Variants in ATP2B2 observed in about 807,000 individuals in gnomAD.
The protein encoded by ATP2B2 is plasma membrane calcium-transporting ATPase 2.
ATP2B2 carries 15 observed loss-of-function variants against 120.0 expected under a neutral mutation model. The ratio of observed to expected loss-of-function variants is 0.12; its 90% CI spans 0.08 to 0.19. The LOEUF (loss-of-function observed/expected upper bound fraction) is 0.19. Among genes scored for constraint, ATP2B2 ranks in the 10% least tolerant of loss-of-function variants. ATP2B2 has a pLI of 1.00. For synonymous variants in ATP2B2, 694 were observed against 700.3 expected (o/e 0.99, Z 0.14); for missense variants, 1,045 against 1,719.8 (o/e 0.61, Z 6.94).
chr3:10,473,719 G>T (rs1002330888), intron 1 of ATP2B2, among the ~76,000 whole-genome samples: 2 of 152,244 alleles, frequency 1.3e-5, no homozygotes, highest in Non-Finnish European at 2.9e-5. Flanking sequence ...AAGAGCTGGG[G>T]CAGTATGTTC....
intron 5 of ATP2B2, among the ~76,000 whole-genome samples, chr3:10,391,298 T>C (rs1467198398): frequency 1.3e-5 from 2 of 152,184 alleles, no homozygotes; most frequent in Non-Finnish European, 2.9e-5. Flanking sequence ...CTGTTGTCTT[T>C]GTTACCTTCC....
At position 10,370,753 on chromosome 3, in the gene ATP2B2, G is replaced by A. The variant is rs538169574; in HGVS notation, c.1659+1056C>T. On this transcript the variant is annotated intron_variant, in intron 12 of 22. Transcript: ENST00000360273. ...TGGCTCAGGGGCAGAAGGAGGAGGA[G>A]GTCAGGGCTCAGCACATTGGGAGGG... Among the ~76,000 whole-genome samples, 4 of 152,320 alleles carry A rather than the reference G, an allele frequency of 2.6e-5. No homozygotes were observed. In the East Asian group the frequency reaches 7.7e-4, roughly 29 times the overall value.
At chr3:10,681,404 C>T (rs2071380040) in intron 1 of ATP2B2, among the ~76,000 whole-genome samples, 1 of 152,148 alleles carries the variant, frequency 6.6e-6, no homozygotes, top group Non-Finnish European at 1.5e-5. Context: ...TGTCATGTCC[C>T]GTGCACCCCC....
intron 2 of ATP2B2, among the ~76,000 whole-genome samples, chr3:10,540,856 C>G (rs1204142218): frequency 6.7e-6 from 1 of 149,126 alleles, no homozygotes; most frequent in Non-Finnish European, 1.5e-5. Flanking sequence ...TACCCTAGAA[C>G]TTAAAATATA....
chr3:10,397,131 C>T (rs757449589), intron 5 of ATP2B2, among the ~76,000 whole-genome samples: 4 of 152,244 alleles, frequency 2.6e-5, no homozygotes, highest in Non-Finnish European at 5.9e-5. Context: ...TCAGCTCAGC[C>T]TGACACTCTG....
At chr3:10,683,717 CATGT>C (rs1559519962) in intron 1 of ATP2B2, among the ~76,000 whole-genome samples, 1 of 83,268 alleles carries the variant, frequency 1.2e-5, no homozygotes, top group African/African-American at 4.2e-5. Flanking sequence ...TATGTATATA[CATGT>C]GTGTGTGTAT....
chr3:10,679,821 C>A (rs2071338736), intron 1 of ATP2B2, among the ~76,000 whole-genome samples: 1 of 150,576 alleles, frequency 6.6e-6, no homozygotes, highest in African/African-American at 2.5e-5. Flanking sequence ...ACATCTGGTG[C>A]CTGTGAATGG....
intron 1 of ATP2B2, among the ~76,000 whole-genome samples, chr3:10,452,177 C>T (rs146215626): frequency 1.6e-4 from 24 of 152,370 alleles, no homozygotes; most frequent in African/African-American, 3.8e-4. Flanking sequence ...GGAGATGCCA[C>T]GGAGTGGAAG....
At chr3:10,691,144 C>A (rs1010477104) in intron 1 of ATP2B2, among the ~76,000 whole-genome samples, 2 of 152,206 alleles carry the variant, frequency 1.3e-5, no homozygotes, top group African/African-American at 4.8e-5. Flanking sequence ...GAAATTCTGA[C>A]CTGGCCCCTT....
intron 5 of ATP2B2, chr3:10,394,539 G>C (rs1314190126): frequency 1.3e-5 from 6 of 470,710 alleles, no homozygotes; most frequent in Non-Finnish European, 2.6e-5. Context: ...GAAGAGGCAG[G>C]GTAGTGTAAT....
intron 2 of ATP2B2, among the ~76,000 whole-genome samples, chr3:10,547,448 A>G (rs1486574810): frequency 6.6e-6 from 1 of 152,170 alleles, no homozygotes; most frequent in Non-Finnish European, 1.5e-5. Context: ...ATTCTTAGAG[A>G]GAGGAAGTCG....
chr3:10,367,181 C>G (rs2061087202), intron 12 of ATP2B2, among the ~76,000 whole-genome samples: 1 of 152,126 alleles, frequency 6.6e-6, no homozygotes, highest in Admixed American at 6.5e-5. Context: ...CAGAAATGCC[C>G]AGGCCACAAA....
intron 22 of ATP2B2, among the ~76,000 whole-genome samples, chr3:10,337,682 G>T (rs2438309): frequency 6.6e-6 from 1 of 152,192 alleles, no homozygotes; most frequent in Non-Finnish European, 1.5e-5. Context: ...TTGCTCCCCA[G>T]AGCCTCTCCA....
In ATP2B2 at chr3:10,449,714, A is replaced by G. The variant is rs2063967181; in HGVS notation, c.-171T>C. ...GGGGTGGCCGAGGCGGGCTGGTGAC[A>G]GTGGTGGTGAGCTCCAAGAGGTGTC... On this transcript the variant is annotated 5_prime_UTR_variant, in exon 2 of 23. Coordinates refer to ENST00000360273, the MANE Select transcript of ATP2B2 (RefSeq NM_001001331.4). 6.7e-6 allele frequency: 5 copies of G among 745,402 alleles called. No homozygotes were observed. The highest frequency in any genetic ancestry group is 6.0e-5 in the South Asian group (4 of 66,168). The allele number at this position is 745,402 out of a possible 1,614,324, so 46.2% of individuals were successfully genotyped here.
At chr3:10,450,270 T>C (rs1008232375) in intron 1 of ATP2B2, among the ~76,000 whole-genome samples, 1 of 151,942 alleles carries the variant, frequency 6.6e-6, no homozygotes, top group African/African-American at 2.4e-5. Flanking sequence ...CCCACCCCTT[T>C]CCCTCAAGAA....
At chr3:10,670,259 C>G (rs1043287571) in intron 1 of ATP2B2, among the ~76,000 whole-genome samples, 1 of 152,188 alleles carries the variant, frequency 6.6e-6, no homozygotes, top group Non-Finnish European at 1.5e-5. Context: ...AGGGTCATCG[C>G]CAGGCGGCTC....
intron 1 of ATP2B2, among the ~76,000 whole-genome samples, chr3:10,651,955 G>A (rs2070479061): frequency 6.6e-6 from 1 of 152,112 alleles, no homozygotes; most frequent in African/African-American, 2.4e-5. Context: ...TTAACCTTGT[G>A]AACTAGAAGA....
At chr3:10,485,132 T>G (rs75457054) in intron 1 of ATP2B2, among the ~76,000 whole-genome samples, 4,117 of 151,758 alleles carry the variant, frequency 0.027, 96 homozygotes, top group African/African-American at 0.063. Context: ...GGTGAGGGGG[T>G]CTTCAGGAGG....
intron 2 of ATP2B2, among the ~76,000 whole-genome samples, chr3:10,587,248 T>C (rs2068531250): frequency 6.6e-6 from 1 of 152,058 alleles, no homozygotes; most frequent in Non-Finnish European, 1.5e-5. Flanking sequence ...CAGAGTGCAG[T>C]GAGCCGTGAT....
Sources: allele counts gnomAD v4.1 joint callset (sites outside exome capture counted in the v4.1 genomes callset), GRCh38; gene constraint gnomAD v4.1.1; transcripts MANE v1.5; gene names NCBI Gene and HGNC (gene_info 2026-07-23, HGNC 2026-07-21).